SGSM1: variants seen among roughly 807,000 people sequenced by gnomAD.
The protein encoded by SGSM1 is RUN and TBC1 domain containing 2.
Under a neutral mutation model 133.8 loss-of-function variants are expected in SGSM1, and 73 were observed. That is an observed-to-expected ratio of 0.55 (90% confidence interval 0.45 to 0.66). The LOEUF (loss-of-function observed/expected upper bound fraction) is 0.66. Ranked by LOEUF, SGSM1 falls within the 30% of genes least tolerant of loss-of-function variation. SGSM1 has a pLI of 0.00. For synonymous variants in SGSM1, 563 were observed against 573.0 expected (o/e 0.98, Z 0.25); for missense variants, 1,213 against 1,448.1 (o/e 0.84, Z 2.64).
chr22:24,855,561 C>T lies in SGSM1; in HGVS notation c.682C>T (p.His228Tyr), dbSNP rs867563455. Reference sequence around the variant, plus strand: ...CACTCTCTACCAGATCCAGAAGAGGCATTCCAGTGGCAGCATGGATGACCG... The same window carrying T: ...CACTCTCTACCAGATCCAGAAGAGGTATTCCAGTGGCAGCATGGATGACCG... Reference protein sequence around the residue: ...KRPALCIQKRHSSGSMDDRPS... With the variant: ...KRPALCIQKRYSSGSMDDRPS... Residue 228 changes from histidine (H) to tyrosine (Y), a missense_variant, in exon 8 of 25, where the codon CAT becomes TAT. His to Tyr is a moderately conservative substitution (Grantham distance 83, BLOSUM62 2). Transcript: ENST00000400358. 1.2e-6 allele frequency: 2 copies of T among 1,613,766 alleles called. No individual in the cohort carries two copies. The highest frequency in any genetic ancestry group is 1.6e-4 in the Middle Eastern group (1 of 6,084).
rs1315215043 is a variant in SGSM1, at chr22:24,806,336, C to T, written c.11C>T (p.Ala4Val). The change falls in exon 1 of 25, where the codon GCC (alanine) becomes GTC (valine). Residue 4 changes from alanine (A) to valine (V), a missense_variant. Ala to Val is a moderately conservative substitution (Grantham distance 64). Coordinates refer to ENST00000400358, the MANE Select transcript of SGSM1 (RefSeq NM_001098497.3). The stretch of plus-strand genomic sequence containing the variant: ...GCAGCGCTCGGAGCCATGGCCTCGG[C>T]CCCCGCGGGTAAGAGGCCGCTGGAC... MAS[A>V]PAEAETRQRL... 1.4e-6 allele frequency: 2 copies of T among 1,474,936 alleles called. No homozygotes were observed. The highest frequency in any genetic ancestry group is 1.3e-5 in the South Asian group (1 of 75,648). The allele number at this position is 1,474,936 out of a possible 1,614,324, so 91.4% of individuals were successfully genotyped here. A position where few individuals can be genotyped will look rare whatever the true frequency, so the allele number is the denominator to read the frequency against.
chr22:24,831,198 G>A (rs1929101374), intron 2 of SGSM1, among the ~76,000 whole-genome samples: 1 of 151,638 alleles, frequency 6.6e-6, no homozygotes, highest in Non-Finnish European at 1.5e-5. Context: ...GCGCAGGTGG[G>A]TTAGGAGGAG....
chr22:24,883,905 A>C, intron 14 of SGSM1, 148 bp from the exon 15 acceptor site: 2 of 941,008 alleles, frequency 2.1e-6, no homozygotes, highest in African/African-American at 1.7e-5. Flanking sequence ...GCAGTGAGCC[A>C]TGATAATAAT....
intron 8 of SGSM1, among the ~76,000 whole-genome samples, chr22:24,856,717 C>T (rs1930813158): frequency 6.6e-6 from 1 of 151,972 alleles, no homozygotes; most frequent in Admixed American, 6.6e-5. Context: ...GTACAAAACC[C>T]TATTGCCGCA....
Position 24,868,822 on chromosome 22 carries a change from A to C in SGSM1, c.1258A>C (p.Arg420=). ...TGATGAGGCCACGGATTATGTGTTC[A>C]GGATCATCTACCCTGGCATGCAGTC... The part of the protein sequence containing the change: ...DDDEATDYVF[R]IIYPGMQSEF... Residue 420 remains arginine, a synonymous_variant, in exon 12 of 25, where the codon AGG becomes CGG. Transcript: ENST00000400358. 1.9e-6 allele frequency: 3 copies of C among 1,613,976 alleles called. No homozygotes were observed. Among genetic ancestry groups the C allele is most frequent in the Non-Finnish European group, 2.5e-6 (3 of 1,179,894 alleles).
At chr22:24,834,823 AG>A (rs1311513117) in intron 2 of SGSM1, among the ~76,000 whole-genome samples, 2 of 148,202 alleles carry the variant, frequency 1.3e-5, no homozygotes, top group African/African-American at 5.0e-5. Context: ...TCTGTTTTGG[AG>A]TCTGAAGTCT....
intron 22 of SGSM1, among the ~76,000 whole-genome samples, chr22:24,917,107 G>A (rs2103769): frequency 0.071 from 10,601 of 149,000 alleles, 991 homozygotes; most frequent in African/African-American, 0.21. Flanking sequence ...TGCCCAGGCT[G>A]GTCTCAAACT....
intron 2 of SGSM1, among the ~76,000 whole-genome samples, chr22:24,842,786 C>T (rs1929880993): frequency 6.6e-6 from 1 of 152,218 alleles, no homozygotes; most frequent in Non-Finnish European, 1.5e-5. Context: ...GAGCTGATGA[C>T]CTGCATGCAG....
At chr22:24,891,784 A>G (rs1207493789) in intron 16 of SGSM1, among the ~76,000 whole-genome samples, 1 of 152,156 alleles carries the variant, frequency 6.6e-6, no homozygotes, top group Admixed American at 6.5e-5. Flanking sequence ...GCAGTCAGAG[A>G]AGACTCCTGG....
At chr22:24,904,465 A>C (rs1220619350) in intron 20 of SGSM1, among the ~76,000 whole-genome samples, 2 of 151,860 alleles carry the variant, frequency 1.3e-5, no homozygotes, top group Non-Finnish European at 2.9e-5. Context: ...CTGTAGTCCC[A>C]GCTACTCGGG....
chr22:24,845,765 C>T (rs867837160), intron 3 of SGSM1, among the ~76,000 whole-genome samples: 2 of 152,004 alleles, frequency 1.3e-5, no homozygotes, highest in South Asian at 2.1e-4. Context: ...ACGCTGTGAC[C>T]CGGGAGGCAA....
At chr22:24,873,222 C>G (rs1424052092) in intron 12 of SGSM1, among the ~76,000 whole-genome samples, 1 of 152,100 alleles carries the variant, frequency 6.6e-6, no homozygotes, top group African/African-American at 2.4e-5. Flanking sequence ...CTCAGGCTCC[C>G]AAAGTCCTGG....
intron 2 of SGSM1, among the ~76,000 whole-genome samples, chr22:24,816,399 G>A (rs550067523): frequency 2.1e-5 from 3 of 146,308 alleles, no homozygotes; most frequent in Admixed American, 7.1e-5. Context: ...CTAAAAAATT[G>A]ATTTCTTTTT....
At position 24,924,501 on chromosome 22, in the gene SGSM1, C is replaced by T; in HGVS notation, c.*227C>T. 7.4e-6 allele frequency: 4 copies of T among 537,654 alleles called. No homozygotes were observed. The highest frequency in any genetic ancestry group is 7.2e-5 in the South Asian group (3 of 41,468). The allele number at this position is 537,654 out of a possible 1,614,324, so 33.3% of individuals were successfully genotyped here. On this transcript the variant is annotated 3_prime_UTR_variant, in exon 25 of 25. Transcript: ENST00000400358. ...CATTTTCCTGTTTGACCAAAGATTG[C>T]CCAAGTCTGGCGTTCCTCCCTTGCA... is the stretch of plus-strand genomic sequence containing the variant.
intron 16 of SGSM1, among the ~76,000 whole-genome samples, chr22:24,891,631 G>A (rs1932815537): frequency 6.6e-6 from 1 of 152,154 alleles, no homozygotes; most frequent in South Asian, 2.1e-4. Flanking sequence ...ACAGAGCCCC[G>A]TATTCAGAGC....
In SGSM1 at chr22:24,847,705, G is replaced by A. The variant is rs1308867441; in HGVS notation, c.211G>A (p.Ala71Thr). 15 of 1,613,920 alleles carry A rather than the reference G, an allele frequency of 9.3e-6. No homozygotes were observed. In the South Asian group the frequency reaches 1.4e-4, roughly 15 times the overall value. ...TGGCTTCCTACGCAGCAATAAGATT[G>A]CAGCCCTCTTTATGAAAGTGGGCAA... Reference protein sequence around the residue: ...AAGFLRSNKIAALFMKVGKNF... With the variant: ...AAGFLRSNKITALFMKVGKNF... Residue 71 changes from alanine (A) to threonine (T), a missense_variant, in exon 4 of 25, where the codon GCA (alanine) becomes ACA (threonine). Coordinates refer to ENST00000400358, the MANE Select transcript of SGSM1 (RefSeq NM_001098497.3).
intron 24 of SGSM1, among the ~76,000 whole-genome samples, chr22:24,922,990 T>C (rs1316571215): frequency 6.6e-6 from 1 of 152,084 alleles, no homozygotes; most frequent in Non-Finnish European, 1.5e-5. Flanking sequence ...TAGCCCAGCG[T>C]GATGGTGCAT....
In SGSM1 at chr22:24,844,964, C is replaced by T. The variant is rs777346262; in HGVS notation, c.131C>T (p.Ser44Phe). 1.9e-6 allele frequency: 3 copies of T among 1,613,798 alleles called. No homozygotes were observed. Among genetic ancestry groups the T allele is most frequent in the Non-Finnish European group, 1.7e-6 (2 of 1,179,874 alleles). The change falls in exon 3 of 25, where the codon TCC (serine) becomes TTC (phenylalanine). Residue 44 changes from serine (S) to phenylalanine (F), a missense_variant. Transcript: ENST00000400358. ...FVHEDSSHII[S>F]FCAAVEACVL... ...CACGAAGACAGCAGCCACATCATCT[C>T]CTTCTGTGGTGAGTCTGTGACCTGG...
chr22:24,834,136 C>A (rs1296760614), intron 2 of SGSM1, among the ~76,000 whole-genome samples: 1 of 152,238 alleles, frequency 6.6e-6, no homozygotes, highest in Admixed American at 6.5e-5. Flanking sequence ...CTCCAAGGAA[C>A]AGGATGTTGG....
Sources: allele counts gnomAD v4.1 joint callset (sites outside exome capture counted in the v4.1 genomes callset), GRCh38; gene constraint gnomAD v4.1.1; transcripts MANE v1.5; gene names NCBI Gene and HGNC (gene_info 2026-07-23, HGNC 2026-07-21).